PFKL: variants seen among roughly 807,000 people sequenced by gnomAD.
The protein encoded by PFKL is ATP-dependent 6-phosphofructokinase, liver type.
Under a neutral mutation model 92.1 loss-of-function variants are expected in PFKL, and 74 were observed. The observed-to-expected ratio is 0.80, with a 90% CI of 0.67 to 0.97. PFKL has a LOEUF of 0.97. Ranked by LOEUF, PFKL falls within the 50% of genes least tolerant of loss-of-function variation. The probability of loss-of-function intolerance (pLI) is 0.00; values close to 1 mark genes in which losing one functional copy is unlikely to be tolerated. For missense variants in PFKL, 1,028 were observed against 1,116.6 expected (o/e 0.92, Z 1.13); for synonymous variants, 494 against 456.4 (o/e 1.08, Z -1.05).
chr21:44,303,123 A>G (rs1484295190), intron 1 of PFKL, among the ~76,000 whole-genome samples: 2 of 151,982 alleles, frequency 1.3e-5, no homozygotes, highest in Non-Finnish European at 2.9e-5. Flanking sequence ...AATCCCAGCT[A>G]CTCAGGAGGC....
chr21:44,322,204 G>A lies in PFKL; in HGVS notation c.1409+1G>A. On this transcript the variant is annotated splice_donor_variant, in intron 14 of 21. Transcript: ENST00000349048. LOFTEE classifies it high-confidence loss of function. The stretch of plus-strand genomic sequence containing the variant: ...GTGGCTCCATGCTGGGGACCAAGAG[G>A]TGAGCTGCCTGCTGCGGGTACCTGG... 5.0e-6 allele frequency: 8 copies of A among 1,600,482 alleles called. No individual in the cohort carries two copies. The highest frequency in any genetic ancestry group is 1.7e-5 in the Admixed American group (1 of 59,754).
At chr21:44,301,126 C>T (rs867730538) in intron 1 of PFKL, among the ~76,000 whole-genome samples, 1 of 152,230 alleles carries the variant, frequency 6.6e-6, no homozygotes, top group African/African-American at 2.4e-5. Flanking sequence ...CAGCTTCAGG[C>T]ACCTGACCCT....
intron 12 of PFKL, 113 bp downstream of exon 12, chr21:44,320,260 G>C: frequency 6.9e-6 from 6 of 874,690 alleles, no homozygotes; most frequent in South Asian, 4.9e-5. Flanking sequence ...TCCTGCTGGG[G>C]TCCGAGCTGT....
Position 44,326,780 on chromosome 21 carries a change from A to G in PFKL, c.2261A>G (p.Tyr754Cys). Reference protein sequence around the residue: ...LRLMLKMLAQYRISMAAYVSG... With the variant: ...LRLMLKMLAQCRISMAAYVSG... ...CTCATGCTGAAGATGCTGGCACAAT[A>G]CCGCATCAGTATGGCCGCCTACGTG... The change falls in exon 22 of 22, where the codon TAC becomes TGC. Residue 754 changes from tyrosine to cysteine, a missense_variant. By Grantham distance (194) the Tyr-to-Cys change is radical. Coordinates refer to ENST00000349048, the MANE Select transcript of PFKL (RefSeq NM_002626.6). The G allele has an allele frequency of 6.2e-7, 1 of 1,610,468 alleles. No individual in the cohort carries two copies. The highest frequency in any genetic ancestry group is 8.5e-7 in the Non-Finnish European group (1 of 1,178,952).
At chr21:44,323,715 C>T in intron 15 of PFKL, 51 bp from the exon 16 acceptor site, 1 of 1,565,984 alleles carries the variant, frequency 6.4e-7, no homozygotes, top group Non-Finnish European at 8.7e-7. Flanking sequence ...TGTCCCCGGC[C>T]CACCCTGGCC....
rs1023639682 is a variant in PFKL at position 44,321,908 on chromosome 21, T to C, written c.1338+33T>C. 8 of 1,513,960 alleles carry C rather than the reference T, an allele frequency of 5.3e-6. No individual in the cohort carries two copies. In the African/African-American group the frequency reaches 1.1e-4, roughly 21 times the overall value. 93.8% of individuals were successfully genotyped at this position (1,513,960 alleles called of 1,614,324 possible). ...CGGCCGGGGCAAACAAGTGAGGACTTGGGCCTTCTGTGTGCACACTTGGGG... is the reference window on the plus strand; with the variant it reads ...CGGCCGGGGCAAACAAGTGAGGACTCGGGCCTTCTGTGTGCACACTTGGGG... On this transcript the variant is annotated intron_variant, in intron 13 of 21. Transcript: ENST00000349048.
At chr21:44,310,679 C>A (rs1398543410) in intron 2 of PFKL, among the ~76,000 whole-genome samples, 1 of 152,112 alleles carries the variant, frequency 6.6e-6, no homozygotes, top group Non-Finnish European at 1.5e-5. Flanking sequence ...AGCTGGATGG[C>A]GGGCTCCGCT....
chr21:44,321,489 G>A, intron 12 of PFKL: 1 of 343,996 alleles, frequency 2.9e-6, no homozygotes. Context: ...TGCCTCCTCT[G>A]TTGCCTGCGT....
At chr21:44,304,165 T>C (rs1399290515) in intron 1 of PFKL, 9 of 1,269,576 alleles carry the variant, frequency 7.1e-6, no homozygotes, top group Non-Finnish European at 9.2e-6. Context: ...GCAGCTTCAT[T>C]GTCTCCGGGC....
chr21:44,306,229 C>T (rs1053948003), intron 1 of PFKL, among the ~76,000 whole-genome samples: 2 of 151,494 alleles, frequency 1.3e-5, no homozygotes, highest in Non-Finnish European at 2.9e-5. Context: ...TGTGGGGGCT[C>T]CGTGGCAGAG....
At chr21:44,319,080 T>C (rs2047288533) in intron 10 of PFKL, among the ~76,000 whole-genome samples, 1 of 151,960 alleles carries the variant, frequency 6.6e-6, no homozygotes, top group South Asian at 2.1e-4. Context: ...TTTGGAGGCC[T>C]GCAACTGGGG....
In PFKL at chr21:44,313,904, C is replaced by G; in HGVS notation, c.639-9C>G. The G allele has an allele frequency of 6.3e-7, 1 of 1,578,496 alleles. No individual in the cohort carries two copies. Among genetic ancestry groups the G allele is most frequent in the South Asian group, 1.2e-5 (1 of 86,856 alleles). On this transcript the variant is annotated splice_polypyrimidine_tract_variant and intron_variant, in intron 6 of 21. Transcript: ENST00000349048. Reference sequence around the variant, plus strand: ...GGGGTCCTGAGCAGGCAGGCGCTCGCTCCTCCAGGTACCTGGCGCTGGTAT... The same window carrying G: ...GGGGTCCTGAGCAGGCAGGCGCTCGGTCCTCCAGGTACCTGGCGCTGGTAT...
intron 3 of PFKL, among the ~76,000 whole-genome samples, chr21:44,311,459 TACAC>T (rs1301688393): frequency 6.6e-6 from 1 of 151,676 alleles, no homozygotes; most frequent in Non-Finnish European, 1.5e-5. Context: ...AATACACAGA[TACAC>T]ACGTAGACAC....
intron 1 of PFKL, 64 bp from the exon 2 acceptor site, chr21:44,306,617 G>GGGT (rs977976175): frequency 1.0e-5 from 14 of 1,356,440 alleles, no homozygotes; most frequent in Admixed American, 2.2e-5. Context: ...CCTCTGAGAT[G>GGGT]GGGAGGGTGT....
At chr21:44,305,742 G>C in intron 1 of PFKL, 2 of 1,348,448 alleles carry the variant, frequency 1.5e-6, no homozygotes, top group Non-Finnish European at 2.0e-6. Context: ...GAAGGTGTGG[G>C]GTACATTAGC....
chr21:44,319,624 AG>A (rs1400717215), intron 11 of PFKL: 1 of 598,512 alleles, frequency 1.7e-6, no homozygotes, highest in African/African-American at 1.9e-5. Flanking sequence ...TGGCACGGGC[AG>A]GGCCCAGTGC....
intron 11 of PFKL, 32 bp from the exon 12 acceptor site, chr21:44,320,052 G>A: frequency 6.2e-7 from 1 of 1,603,158 alleles, no homozygotes; most frequent in African/African-American, 1.3e-5. Context: ...GCGCTGCAGG[G>A]CTGTGCATGG....
chr21:44,304,308 G>C, intron 1 of PFKL: 9 of 1,289,084 alleles, frequency 7.0e-6, no homozygotes, highest in Non-Finnish European at 9.1e-6. Context: ...CCCCTGCTGA[G>C]ATGGCTGTGA....
intron 1 of PFKL, among the ~76,000 whole-genome samples, chr21:44,303,695 T>A (rs2146415167): frequency 6.6e-6 from 1 of 152,258 alleles, no homozygotes; most frequent in African/African-American, 2.4e-5. Context: ...CTTACATCCT[T>A]AGCTGATCAT....
Sources: allele counts gnomAD v4.1 joint callset (sites outside exome capture counted in the v4.1 genomes callset), GRCh38; gene constraint gnomAD v4.1.1; transcripts MANE v1.5; gene names NCBI Gene and HGNC (gene_info 2026-07-23, HGNC 2026-07-21).